The following SLC24A3 variants were observed in gnomAD, a reference collection of about 807,000 sequenced individuals.
The protein encoded by SLC24A3 is sodium/potassium/calcium exchanger 3.
Under a neutral mutation model 75.8 loss-of-function variants are expected in SLC24A3, and 28 were observed. That is an observed-to-expected ratio of 0.37 (90% CI 0.27 to 0.51). The LOEUF is 0.51. SLC24A3 is among the 20% of genes least tolerant of loss of function. The probability of loss-of-function intolerance (pLI) is 0.94; values close to 1 mark genes in which losing one functional copy is unlikely to be tolerated. For synonymous variants in SLC24A3, 372 were observed against 334.1 expected (o/e 1.11, Z -1.24); for missense variants, 663 against 847.8 (o/e 0.78, Z 2.71).
intron 3 of SLC24A3, among the ~76,000 whole-genome samples, chr20:19,561,926 A>G (rs1234564282): frequency 6.6e-6 from 1 of 152,190 alleles, no homozygotes; most frequent in Non-Finnish European, 1.5e-5. Context: ...ACATCTGGGC[A>G]GAGCAAGGGT....
intron 2 of SLC24A3, among the ~76,000 whole-genome samples, chr20:19,455,434 C>T: frequency 6.6e-6 from 1 of 152,184 alleles, no homozygotes; most frequent in East Asian, 1.9e-4. Flanking sequence ...CAGAGGTCAC[C>T]TGTAGATACT....
At chr20:19,569,375 G>T (rs942829777) in intron 3 of SLC24A3, among the ~76,000 whole-genome samples, 2 of 152,180 alleles carry the variant, frequency 1.3e-5, no homozygotes, top group Non-Finnish European at 2.9e-5. Flanking sequence ...TCTTCATGTT[G>T]AGTTAGACTT....
intron 3 of SLC24A3, among the ~76,000 whole-genome samples, chr20:19,566,827 T>C (rs933812966): frequency 6.6e-6 from 1 of 152,182 alleles, no homozygotes; most frequent in Non-Finnish European, 1.5e-5. Flanking sequence ...TTCAGGAGGA[T>C]GGCAGTGAGA....
At chr20:19,679,853 C>T (rs1448260555) in intron 9 of SLC24A3, among the ~76,000 whole-genome samples, 4 of 149,498 alleles carry the variant, frequency 2.7e-5, no homozygotes, top group Non-Finnish European at 5.9e-5. Flanking sequence ...GCTGCTGTGT[C>T]TGTATGTGTG....
At position 19,430,168 on chromosome 20, in the gene SLC24A3, A is replaced by C. The variant is rs377253369; in HGVS notation, c.272-85320A>C. On this transcript the variant is annotated intron_variant, in intron 2 of 16. Transcript: ENST00000328041. ...CTAAGATTTGGCTCTTGCTGGGGTA[A>C]AGGCCACCTTTAGGGTTTGACTCCT... Among the ~76,000 whole-genome samples, 68 of 152,282 alleles carry C rather than the reference A, an allele frequency of 4.5e-4. 2 individuals carry two copies. Among genetic ancestry groups the C allele is most frequent in the African/African-American group, 1.6e-3 (68 of 41,554 alleles).
intron 2 of SLC24A3, among the ~76,000 whole-genome samples, chr20:19,490,999 T>G (rs1389952422): frequency 2.0e-5 from 3 of 152,350 alleles, no homozygotes; most frequent in Non-Finnish European, 4.4e-5. Flanking sequence ...TTATTCATAT[T>G]TTAAAATACG....
At chr20:19,237,925 A>G (rs60611591) in intron 1 of SLC24A3, among the ~76,000 whole-genome samples, 23 of 152,114 alleles carry the variant, frequency 1.5e-4, no homozygotes, top group African/African-American at 5.5e-4. Context: ...CGGCTGTAAC[A>G]TTTTCCTGCT....
At chr20:19,585,347 G>A in intron 5 of SLC24A3, 94 bp from the exon 6 acceptor site, 1 of 1,201,736 alleles carries the variant, frequency 8.3e-7, no homozygotes, top group East Asian at 2.3e-5. Flanking sequence ...TGTAGATTCT[G>A]AGAACAATCT....
intron 6 of SLC24A3, among the ~76,000 whole-genome samples, chr20:19,612,297 C>T (rs1367607293): frequency 6.6e-6 from 1 of 152,154 alleles, no homozygotes; most frequent in Non-Finnish European, 1.5e-5. Context: ...AAAATACATC[C>T]AGATGCAAAG....
At chr20:19,412,624 AGGAGGAGGGGG>A (rs1461173916) in intron 2 of SLC24A3, among the ~76,000 whole-genome samples, 2 of 148,500 alleles carry the variant, frequency 1.3e-5, no homozygotes, top group African/African-American at 2.4e-5. Flanking sequence ...GAGGAGGAGG[AGGAGGAGGGGG>A]GGAGGAGGAG....
At chr20:19,600,134 A>AG (rs1209947574) in intron 6 of SLC24A3, among the ~76,000 whole-genome samples, 1 of 152,048 alleles carries the variant, frequency 6.6e-6, no homozygotes, top group Non-Finnish European at 1.5e-5. Context: ...AGGGTGGAAA[A>AG]CACGTGGCTT....
At chr20:19,518,060 G>A (rs1181075165) in intron 3 of SLC24A3, among the ~76,000 whole-genome samples, 2 of 152,230 alleles carry the variant, frequency 1.3e-5, no homozygotes, top group Non-Finnish European at 2.9e-5. Context: ...TTCAGGGCAG[G>A]AGTAAATTAT....
intron 2 of SLC24A3, among the ~76,000 whole-genome samples, chr20:19,317,368 A>G (rs1286948930): frequency 6.6e-6 from 1 of 152,208 alleles, no homozygotes; most frequent in African/African-American, 2.4e-5. Context: ...CATGCATTCG[A>G]GGTCTTAGAA....
intron 3 of SLC24A3, among the ~76,000 whole-genome samples, chr20:19,545,899 C>T (rs906593779): frequency 1.3e-5 from 2 of 152,130 alleles, no homozygotes; most frequent in African/African-American, 4.8e-5. Context: ...GTGGCTCACA[C>T]TTGTAATCCC....
intron 2 of SLC24A3, among the ~76,000 whole-genome samples, chr20:19,332,360 G>T (rs1250912663): frequency 5.3e-5 from 8 of 152,094 alleles, no homozygotes. Flanking sequence ...CCCTTGCCTT[G>T]TTTCCCCTCG....
rs563012146 is a variant in SLC24A3, at chr20:19,529,635, C to G, written c.348+14071C>G. On this transcript the variant is annotated intron_variant, in intron 3 of 16. Transcript: ENST00000328041. ...GACTGCACGATCTGGCCCTGACTAC[C>G]TCTCCCAAGTTCATCCCCTCCTCCC... is the stretch of plus-strand genomic sequence containing the variant. Among the ~76,000 whole-genome samples, 8 of 152,288 alleles carry G rather than the reference C, an allele frequency of 5.3e-5. No individual in the cohort carries two copies. The South Asian group carries it at 1.5e-3, about 28-fold the overall frequency.
intron 2 of SLC24A3, among the ~76,000 whole-genome samples, chr20:19,407,034 G>A (rs1036696191): frequency 2.7e-5 from 4 of 147,762 alleles, no homozygotes; most frequent in East Asian, 3.9e-4. Context: ...CTGACAACAC[G>A]GTGAACCAGG....
intron 2 of SLC24A3, among the ~76,000 whole-genome samples, chr20:19,371,685 T>C (rs1470626222): frequency 6.6e-6 from 1 of 152,182 alleles, no homozygotes; most frequent in Non-Finnish European, 1.5e-5. Context: ...TATATTTCCC[T>C]ACCTTTTTTG....
At chr20:19,609,339 A>G (rs2122661495) in intron 6 of SLC24A3, among the ~76,000 whole-genome samples, 1 of 151,568 alleles carries the variant, frequency 6.6e-6, no homozygotes, top group Non-Finnish European at 1.5e-5. Flanking sequence ...AAAGACTTTT[A>G]TTTCTGTCCT....
Sources: allele counts gnomAD v4.1 joint callset (sites outside exome capture counted in the v4.1 genomes callset), GRCh38; gene constraint gnomAD v4.1.1; transcripts MANE v1.5; gene names NCBI Gene and HGNC (gene_info 2026-07-23, HGNC 2026-07-21).